The following MIS18A variants were observed in gnomAD, a reference collection of about 807,000 sequenced individuals.
MIS18A encodes the protein MIS18 kinetochore protein A.
Under a neutral mutation model 25.0 loss-of-function variants are expected in MIS18A, and 14 were observed. The ratio of observed to expected loss-of-function variants is 0.56; its 90% CI spans 0.37 to 0.88. The LOEUF (loss-of-function observed/expected upper bound fraction) is 0.88. MIS18A is among the 40% of genes least tolerant of loss of function. The probability of loss-of-function intolerance (pLI) is 0.00; values close to 1 mark genes in which losing one functional copy is unlikely to be tolerated. For missense variants in MIS18A, 292 were observed against 290.8 expected (o/e 1.00, Z -0.03); for synonymous variants, 134 against 118.6 (o/e 1.13, Z -0.84).
chr21:32,190,346 T>C, the MIS18A span, among the ~76,000 whole-genome samples: 3 of 152,100 alleles, frequency 2.0e-5, no homozygotes, highest in African/African-American at 7.2e-5. Flanking sequence ...AAATGAAAAA[T>C]GGAAGATGCT....
At chr21:32,217,909 A>G in the MIS18A span, among the ~76,000 whole-genome samples, 5 of 152,124 alleles carry the variant, frequency 3.3e-5, no homozygotes, top group African/African-American at 1.2e-4. Context: ...AGATAAACAA[A>G]TAAGCTGGGT....
chr21:32,228,086 T>G, the MIS18A span, among the ~76,000 whole-genome samples: 2 of 152,286 alleles, frequency 1.3e-5, no homozygotes, highest in East Asian at 3.9e-4. Flanking sequence ...CGTCTTTTTT[T>G]GTTTGTTTGT....
At chr21:32,257,662 T>C in the MIS18A span, among the ~76,000 whole-genome samples, 1 of 152,154 alleles carries the variant, frequency 6.6e-6, no homozygotes, top group African/African-American at 2.4e-5. Flanking sequence ...CGGAGCATCC[T>C]AATCCAACCC....
the MIS18A span, among the ~76,000 whole-genome samples, chr21:32,212,792 G>C: frequency 0.098 from 14,918 of 152,016 alleles, 815 homozygotes; most frequent in East Asian, 0.16. Context: ...AGAGTTGACG[G>C]TTTTATAAGT....
the MIS18A span, among the ~76,000 whole-genome samples, chr21:32,249,502 G>A: frequency 6.6e-6 from 1 of 152,302 alleles, no homozygotes; most frequent in South Asian, 2.1e-4. Context: ...AGCCTCAGCA[G>A]GGGAAAAAAC....
chr21:32,157,054 C>CTTTTTTTTTTTTTTTTTTT, the MIS18A span, among the ~76,000 whole-genome samples: 2 of 121,550 alleles, frequency 1.6e-5, no homozygotes, highest in Non-Finnish European at 3.3e-5. Context: ...TTCTTTCTTT[C>CTTTTTTTTTTTTTTTTTTT]TTTTTTTTTT....
rs146632977 is a variant in MIS18A, at chr21:32,269,613, C to T, written c.621+94G>A. ...AAGCACACTCTTCCTGCAATCAACA[C>T]AGATGACGTTATGAGAATTATCGTT... On this transcript the variant is annotated intron_variant, in intron 4 of 4. Coordinates refer to ENST00000290130, the MANE Select transcript of MIS18A (RefSeq NM_018944.3). 4.2e-4 allele frequency: 308 copies of T among 741,064 alleles called. 1 individual carries two copies. The African/African-American group carries it at 5.0e-3, about 12-fold the overall frequency. 45.9% of individuals were successfully genotyped at this position (741,064 alleles called of 1,614,324 possible).
chr21:32,253,653 G>T, the MIS18A span, among the ~76,000 whole-genome samples: 4 of 151,968 alleles, frequency 2.6e-5, no homozygotes, highest in African/African-American at 7.2e-5. Context: ...ACACAGCAAG[G>T]GTTACTTCCC....
the MIS18A span, among the ~76,000 whole-genome samples, chr21:32,178,006 C>A: frequency 6.6e-6 from 1 of 151,982 alleles, no homozygotes; most frequent in African/African-American, 2.4e-5. Context: ...CCTTGACCTC[C>A]AGGGCTCAAG....
At chr21:32,230,879 T>C in the MIS18A span, among the ~76,000 whole-genome samples, 2 of 152,110 alleles carry the variant, frequency 1.3e-5, no homozygotes, top group East Asian at 3.9e-4. Context: ...AATACACATA[T>C]ATGATTGCAT....
In MIS18A at chr21:32,268,434, C is replaced by T. The variant is rs991705454; in HGVS notation, c.*603G>A. 10 of 152,172 alleles carry T rather than the reference C, an allele frequency of 6.6e-5. No individual in the cohort carries two copies. The highest frequency in any genetic ancestry group is 2.4e-4 in the African/African-American group (10 of 41,436). 9.4% of individuals were successfully genotyped at this position (152,172 alleles called of 1,614,324 possible). On this transcript the variant is annotated 3_prime_UTR_variant, in exon 5 of 5. Transcript: ENST00000290130. ...AAATCCTACTATATATAAGCAACTG[C>T]TCTTGAGCAAGTTTTCAAATGGTTC...
chr21:32,161,478 T>TTGTA, the MIS18A span, among the ~76,000 whole-genome samples: 1 of 150,102 alleles, frequency 6.7e-6, no homozygotes, highest in African/African-American at 2.5e-5. Flanking sequence ...AGCTTGTTTT[T>TTGTA]TGTTTGTTTG....
the MIS18A span, among the ~76,000 whole-genome samples, chr21:32,164,694 C>T: frequency 2.0e-5 from 3 of 151,484 alleles, no homozygotes; most frequent in Admixed American, 6.6e-5. Flanking sequence ...GTATGTTATA[C>T]ATCAATAACA....
chr21:32,238,620 C>G, the MIS18A span, among the ~76,000 whole-genome samples: 1 of 152,156 alleles, frequency 6.6e-6, no homozygotes, highest in Non-Finnish European at 1.5e-5. Flanking sequence ...CTCTGTTATC[C>G]CTTTGCCCCT....
the MIS18A span, among the ~76,000 whole-genome samples, chr21:32,239,685 A>C: frequency 6.6e-6 from 1 of 152,218 alleles, no homozygotes; most frequent in Admixed American, 6.5e-5. Flanking sequence ...TATTCTGACC[A>C]CAGAAGAGCC....
At chr21:32,257,415 C>A in the MIS18A span, among the ~76,000 whole-genome samples, 146 of 152,296 alleles carry the variant, frequency 9.6e-4, 1 homozygote, top group Non-Finnish European at 1.7e-3. Flanking sequence ...CACCTGGTGC[C>A]ACCTACAACT....
chr21:32,248,321 A>G, the MIS18A span, among the ~76,000 whole-genome samples: 11 of 152,290 alleles, frequency 7.2e-5, no homozygotes, highest in South Asian at 1.2e-3. Flanking sequence ...ATTCAAGGAT[A>G]TTAAGCAGCC....
chr21:32,181,557 A>G, the MIS18A span, among the ~76,000 whole-genome samples: 2 of 152,124 alleles, frequency 1.3e-5, no homozygotes, highest in Admixed American at 1.3e-4. Context: ...GGTCTTGGAG[A>G]TAAGGTCAGA....
the MIS18A span, among the ~76,000 whole-genome samples, chr21:32,213,299 C>T: frequency 1.3e-5 from 2 of 152,060 alleles, no homozygotes; most frequent in African/African-American, 2.4e-5. Context: ...TGAATGACAA[C>T]ACATAGATAG....
Sources: gnomAD v4.1 joint callset for allele counts (sites outside exome capture counted in the v4.1 genomes callset) on GRCh38, gnomAD v4.1.1 for gene constraint, MANE v1.5 for transcripts, NCBI Gene and HGNC (gene_info 2026-07-23, HGNC 2026-07-21) for gene names.